GHRL: variants seen among roughly 807,000 people sequenced by gnomAD.
The protein encoded by GHRL is appetite-regulating hormone.
A neutral mutation model predicts 16.9 loss-of-function variants in GHRL; 24 were observed. The ratio of observed to expected loss-of-function variants is 1.42; its 90% CI spans 1.03 to 2.00. The LOEUF (loss-of-function observed/expected upper bound fraction) is 2.00. Ranked by LOEUF, GHRL falls within the 30% of genes most tolerant of loss-of-function variation. GHRL has a pLI of 0.00. For synonymous variants in GHRL, 63 were observed against 58.2 expected, an observed-to-expected ratio of 1.08 and a Z score of -0.37; for missense variants, 193 against 142.1, an observed-to-expected ratio of 1.36 and a Z score of -1.82.
rs1393697215 is a variant in GHRL at position 10,290,054 on chromosome 3, C to A, written c.108+19G>T. ...GGCAGGGCTGGAACAACATGTGGGG[C>A]TTTGTGGGGAGGTCTCACCTGGACT... is the stretch of plus-strand genomic sequence containing the variant. On this transcript the variant is annotated intron_variant, in intron 3 of 5. Transcript: ENST00000335542. The A allele has an allele frequency of 6.2e-7, 1 of 1,610,246 alleles. No individual in the cohort carries two copies. The highest frequency in any genetic ancestry group is 2.2e-5 in the East Asian group (1 of 44,790).
rs777286775 is a variant in GHRL, at chr3:10,286,738, C to A, written c.300G>T (p.Lys100Asn). The A allele has an allele frequency of 7.4e-6, 12 of 1,611,690 alleles. No individual in the cohort carries two copies. The highest frequency in any genetic ancestry group is 2.2e-5 in the East Asian group (1 of 44,884). The change falls in exon 5 of 6, where the codon AAG becomes AAT. Residue 100 changes from lysine to asparagine, a missense_variant. Physicochemically the swap from Lys to Asn is moderately conservative, Grantham distance 94. Transcript: ENST00000335542. ...QYQQHSQALG[K>N]FLQDILWEEA... ...CTTCCCAGAGGATGTCCTGAAGAAA[C>A]TTCCCCAGGGCCTGGCTGTGCTGCT... is the stretch of plus-strand genomic sequence containing the variant.
Position 10,291,865 on chromosome 3 carries a change from C to T in GHRL, c.-765-414G>A, listed in dbSNP as rs542447345. Among the ~76,000 whole-genome samples the T allele has an allele frequency of 7.9e-5, 12 of 152,028 alleles. No individual in the cohort carries two copies. The East Asian group carries it at 2.1e-3, about 27-fold the overall frequency. ...AAAGAGGCCTGTGGTGAACTCGGGG[C>T]AGGGCTTTGGAGGGAGGGCTTTGCG... On this transcript the variant is annotated intron_variant, in intron 1 of 5. Coordinates refer to ENST00000335542, the MANE Select transcript of GHRL (RefSeq NM_016362.5).
intron 1 of GHRL, chr3:10,292,609 T>G (rs1313750066): frequency 3.9e-6 from 2 of 516,016 alleles, no homozygotes; most frequent in Non-Finnish European, 6.8e-6. Flanking sequence ...CAGCAACATA[T>G]GAGCATGTCA....
At chr3:10,290,303 T>G in intron 2 of GHRL, 94 bp from the exon 3 acceptor site, 1 of 1,261,722 alleles carries the variant, frequency 7.9e-7, no homozygotes. Flanking sequence ...GTGAAGGGCT[T>G]TACCATCTGG....
intron 4 of GHRL, chr3:10,287,471 C>G (rs1699246856): frequency 6.5e-6 from 1 of 153,666 alleles, no homozygotes; most frequent in Admixed American, 6.5e-5. Flanking sequence ...TATTGGAGCT[C>G]AAAGCTTTGG....
intron 4 of GHRL, among the ~76,000 whole-genome samples, chr3:10,289,186 CCCT>C (rs1463581713): frequency 6.6e-6 from 1 of 152,222 alleles, no homozygotes; most frequent in African/African-American, 2.4e-5. Flanking sequence ...ATCCTTTACT[CCCT>C]CCTCCTCTCC....
At chr3:10,292,608 A>G (rs937504499) in intron 1 of GHRL, 11 of 514,736 alleles carry the variant, frequency 2.1e-5, no homozygotes, top group Middle Eastern at 3.2e-4. Context: ...CCAGCAACAT[A>G]TGAGCATGTC....
intron 4 of GHRL, chr3:10,287,217 A>G (rs540393166): frequency 1.2e-5 from 2 of 160,048 alleles, no homozygotes; most frequent in South Asian, 1.8e-4. Flanking sequence ...CTGGCCTTCT[A>G]TTCCTTCCCT....
intron 2 of GHRL, 62 bp downstream of exon 2, chr3:10,290,654 G>A (rs745405855): frequency 1.1e-4 from 98 of 862,688 alleles, no homozygotes; most frequent in African/African-American, 2.3e-4. Context: ...TTAAACGGAC[G>A]GGCAGCAGTC....
intron 4 of GHRL, among the ~76,000 whole-genome samples, chr3:10,287,775 G>C (rs1289486343): frequency 6.6e-6 from 1 of 152,106 alleles, no homozygotes; most frequent in African/African-American, 2.4e-5. Context: ...TGGGGTAGGC[G>C]CTACCACTGT....
In GHRL at chr3:10,290,922, C is replaced by T. The variant is rs1476681085; in HGVS notation, c.-236G>A. On this transcript the variant is annotated 5_prime_UTR_variant, in exon 2 of 6. Transcript: ENST00000335542. ...ATGCCCTGCGGAATTGCTGGGTTGG[C>T]GAGGGAAGAAGCATGTGCTCCAGCT... The T allele has an allele frequency of 9.1e-6, 9 of 985,422 alleles. No individual in the cohort carries two copies. Among genetic ancestry groups the T allele is most frequent in the Non-Finnish European group, 1.1e-5 (9 of 830,020 alleles). 61.0% of individuals were successfully genotyped at this position (985,422 alleles called of 1,614,324 possible). A position where few individuals can be genotyped will look rare whatever the true frequency, so the allele number is the denominator to read the frequency against.
intron 1 of GHRL, 65 bp from the exon 2 acceptor site, chr3:10,291,516 G>T: frequency 1.1e-6 from 1 of 948,194 alleles, no homozygotes; most frequent in Non-Finnish European, 1.3e-6. Context: ...GCCTTACGCC[G>T]ACCACAAATA....
chr3:10,289,982 C>G (rs779987102), intron 3 of GHRL, 91 bp downstream of exon 3: 4 of 1,534,690 alleles, frequency 2.6e-6, no homozygotes, highest in Non-Finnish European at 3.6e-6. Flanking sequence ...AAGACTGAAG[C>G]CCAGAGATGG....
In GHRL at chr3:10,292,836, A is replaced by G. The variant is rs937535881; in HGVS notation, c.-766+6T>C. On this transcript the variant is annotated splice_donor_region_variant and intron_variant, in intron 1 of 5. Coordinates refer to ENST00000335542, the MANE Select transcript of GHRL (RefSeq NM_016362.5). Reference sequence around the variant, plus strand: ...GTACCTCCTGAGACATGAAGCCTCCACTTACCTGGACCCTGGAGGCCTCTC... The same window carrying G: ...GTACCTCCTGAGACATGAAGCCTCCGCTTACCTGGACCCTGGAGGCCTCTC... 2.6e-5 allele frequency: 40 copies of G among 1,517,602 alleles called. No individual in the cohort carries two copies. The highest frequency in any genetic ancestry group is 3.5e-5 in the Non-Finnish European group (39 of 1,121,192). 94.0% of individuals were successfully genotyped at this position (1,517,602 alleles called of 1,614,324 possible). A position where few individuals can be genotyped will look rare whatever the true frequency, so the allele number is the denominator to read the frequency against.
At chr3:10,286,028 G>A (rs1361540083) in intron 5 of GHRL, 134 bp from the exon 6 acceptor site, 3 of 775,660 alleles carry the variant, frequency 3.9e-6, no homozygotes, top group Non-Finnish European at 6.6e-6. Flanking sequence ...GTCAGAGGGC[G>A]GCACTCAAGT....
At chr3:10,291,847 C>T (rs1317974834) in intron 1 of GHRL, among the ~76,000 whole-genome samples, 1 of 152,060 alleles carries the variant, frequency 6.6e-6, no homozygotes, top group East Asian at 1.9e-4. Context: ...AGGAAAGAGG[C>T]CTGTGGTGAA....
At chr3:10,288,107 G>A (rs1699361638) in intron 4 of GHRL, 1 of 152,426 alleles carries the variant, frequency 6.6e-6, no homozygotes, top group Non-Finnish European at 1.5e-5. Flanking sequence ...GTGCAGGCAA[G>A]TGAGTGGTGA....
chr3:10,291,184 G>A lies in GHRL; in HGVS notation c.-498C>T, dbSNP rs1057309941. 1 of 985,558 alleles carries A rather than the reference G, an allele frequency of 1.0e-6. No homozygotes were observed. The highest frequency in any genetic ancestry group is 1.7e-5 in the African/African-American group (1 of 57,252). The allele number at this position is 985,558 out of a possible 1,614,324, so 61.1% of individuals were successfully genotyped here. ...GCTGCTCTGGCCTCTGTGAGCCCCG[G>A]GAGTCCGCAGGGAGCCAGGCTGGTG... On this transcript the variant is annotated 5_prime_UTR_variant, in exon 2 of 6. Transcript: ENST00000335542.
At chr3:10,290,338 A>AC (rs565109081) in intron 2 of GHRL, 129 bp from the exon 3 acceptor site, 2 of 835,154 alleles carry the variant, frequency 2.4e-6, no homozygotes, top group Non-Finnish European at 3.7e-6. Flanking sequence ...TGTAGAGAGG[A>AC]CCCCCGCTTC....
Sources: allele counts gnomAD v4.1 joint callset (sites outside exome capture counted in the v4.1 genomes callset), GRCh38; gene constraint gnomAD v4.1.1; transcripts MANE v1.5; gene names NCBI Gene and HGNC (gene_info 2026-07-23, HGNC 2026-07-21).